MYBL1: variants seen among roughly 807,000 people sequenced by gnomAD.
The protein encoded by MYBL1 is MYB proto-oncogene like 1.
MYBL1 carries 17 observed loss-of-function variants against 96.3 expected under a neutral mutation model. The observed-to-expected ratio is 0.18, with a 90% confidence interval of 0.12 to 0.26. The LOEUF is 0.26. Ranked by LOEUF, MYBL1 falls within the 10% of genes least tolerant of loss-of-function variation. MYBL1 has a pLI of 1.00. For missense variants in MYBL1, 701 were observed against 882.9 expected, an observed-to-expected ratio of 0.79 and a Z score of 2.61; for synonymous variants, 282 against 292.7, an observed-to-expected ratio of 0.96 and a Z score of 0.37.
Position 66,562,454 on chromosome 8 carries a change from T to A in MYBL1, c.*2243A>T, listed in dbSNP as rs1808369702. On this transcript the variant is annotated 3_prime_UTR_variant, in exon 16 of 16. Transcript: ENST00000522677. ...AAGGTGACTTAAGATGCCTGACATG[T>A]TTAAGATAAAAAATCTTGCAAAAAG... 6.6e-6 allele frequency: 1 copy of A among 152,606 alleles called. No individual in the cohort carries two copies. The highest frequency in any genetic ancestry group is 6.5e-5 in the Admixed American group (1 of 15,270). The allele number at this position is 152,606 out of a possible 1,614,324, so 9.5% of individuals were successfully genotyped here. A position where few individuals can be genotyped will look rare whatever the true frequency, so the allele number is the denominator to read the frequency against.
rs567766629 is a variant in MYBL1 at position 66,593,257 on chromosome 8, C to A, written c.688-63G>T. 9 of 1,105,100 alleles carry A rather than the reference C, an allele frequency of 8.1e-6. No homozygotes were observed. The South Asian group carries it at 9.4e-5, about 12-fold the overall frequency. 68.5% of individuals were successfully genotyped at this position (1,105,100 alleles called of 1,614,324 possible). A position where few individuals can be genotyped will look rare whatever the true frequency, so the allele number is the denominator to read the frequency against. ...TGCTATAAATGTTGAAAATCTGAAG[C>A]AAATGACAAAAACTTTTGACACAGT... On this transcript the variant is annotated intron_variant, in intron 6 of 15. Coordinates refer to ENST00000522677, the MANE Select transcript of MYBL1 (RefSeq NM_001080416.4).
intron 12 of MYBL1, among the ~76,000 whole-genome samples, chr8:66,572,189 G>A (rs1394666104): frequency 2.0e-5 from 3 of 151,712 alleles, no homozygotes; most frequent in Admixed American, 6.6e-5. Flanking sequence ...GTGTGGTGGC[G>A]GGCACCTGTA....
chr8:66,569,904 G>A (rs936616234), intron 12 of MYBL1, among the ~76,000 whole-genome samples: 5 of 151,984 alleles, frequency 3.3e-5, no homozygotes, highest in South Asian at 2.1e-4. Context: ...TAAAAGAATC[G>A]GTTTATTAAA....
intron 3 of MYBL1, 93 bp from the exon 4 acceptor site, chr8:66,599,235 T>G (rs1420395297): frequency 1.0e-5 from 7 of 695,026 alleles, no homozygotes; most frequent in African/African-American, 9.2e-5. Flanking sequence ...GAACAAAGAC[T>G]TCAAGAATAG....
chr8:66,573,083 A>G (rs1808799006), intron 11 of MYBL1, among the ~76,000 whole-genome samples: 1 of 151,992 alleles, frequency 6.6e-6, no homozygotes, highest in African/African-American at 2.4e-5. Flanking sequence ...GCATGGTGGC[A>G]CATGCCTGTA....
chr8:66,606,475 G>A (rs1476581771), intron 1 of MYBL1, among the ~76,000 whole-genome samples: 1 of 152,082 alleles, frequency 6.6e-6, no homozygotes, highest in African/African-American at 2.4e-5. Context: ...CTCTAATATA[G>A]TTAAGCGCAT....
In MYBL1 at chr8:66,593,132, A is replaced by C. The variant is rs747586719; in HGVS notation, c.750T>G (p.Ser250=). ...AAATAAAAGTTACCTGAATAAAGGC[A>C]GAAGTAGGCTGAACATGTTCTATAC... ...GNCIEHVQPT[S]AFIQQPFIDE... The change falls in exon 7 of 16, where the codon TCT becomes TCG. Residue 250 remains serine (S), a synonymous_variant. Coordinates refer to ENST00000522677, the MANE Select transcript of MYBL1 (RefSeq NM_001080416.4). 1 of 1,579,190 alleles carries C rather than the reference A, an allele frequency of 6.3e-7. No homozygotes were observed. Among genetic ancestry groups the C allele is most frequent in the Non-Finnish European group, 8.6e-7 (1 of 1,160,044 alleles).
chr8:66,584,069 C>G (rs894310133), intron 8 of MYBL1, among the ~76,000 whole-genome samples: 2 of 152,164 alleles, frequency 1.3e-5, no homozygotes, highest in Admixed American at 1.3e-4. Flanking sequence ...TGGAATTTAT[C>G]CCAGGGATGT....
intron 9 of MYBL1, among the ~76,000 whole-genome samples, chr8:66,576,797 C>T (rs766203676): frequency 4.6e-5 from 7 of 152,064 alleles, no homozygotes; most frequent in Non-Finnish European, 8.8e-5. Context: ...TTCAATTTAA[C>T]CTAAAGACAT....
chr8:66,586,554 A>G (rs1432399819), intron 8 of MYBL1, among the ~76,000 whole-genome samples: 3 of 152,212 alleles, frequency 2.0e-5, no homozygotes, highest in Non-Finnish European at 4.4e-5. Flanking sequence ...AAAGATGTGG[A>G]GAAAGGGGAA....
intron 1 of MYBL1, among the ~76,000 whole-genome samples, chr8:66,610,854 T>C (rs781066481): frequency 2.3e-4 from 35 of 152,184 alleles, no homozygotes; most frequent in Admixed American, 2.6e-4. Flanking sequence ...CCTCTATCTG[T>C]ATACTCCCAG....
intron 9 of MYBL1, 144 bp downstream of exon 9, chr8:66,579,989 C>T (rs1173133240): frequency 1.7e-6 from 1 of 588,316 alleles, no homozygotes; most frequent in Non-Finnish European, 2.9e-6. Context: ...ACTTTTTTCC[C>T]CTAGAAGCCA....
chr8:66,604,045 T>C (rs926429211), intron 1 of MYBL1, among the ~76,000 whole-genome samples: 1 of 150,150 alleles, frequency 6.7e-6, no homozygotes, highest in Non-Finnish European at 1.5e-5. Context: ...AATATCAAAA[T>C]ACACTGTAGA....
At chr8:66,601,982 G>A (rs543026482) in intron 2 of MYBL1, among the ~76,000 whole-genome samples, 4 of 152,066 alleles carry the variant, frequency 2.6e-5, no homozygotes, top group Admixed American at 6.6e-5. Flanking sequence ...GAAAAAGAAC[G>A]TACAGTTAAT....
In MYBL1 at chr8:66,580,180, A is replaced by T. The variant is rs759074581; in HGVS notation, c.1054T>A (p.Leu352Met). Residue 352 changes from leucine (L) to methionine (M), a missense_variant, in exon 9 of 16, where the codon TTG becomes ATG. Coordinates refer to ENST00000522677, the MANE Select transcript of MYBL1 (RefSeq NM_001080416.4). ...TCTGCAAATTCTGGGATGGTCTGCAAAGAGGATAACACAGCGTTTGCCTCC... is the reference window on the plus strand; with the variant it reads ...TCTGCAAATTCTGGGATGGTCTGCATAGAGGATAACACAGCGTTTGCCTCC... ...AVEANAVLSS[L>M]QTIPEFAETL... 1 of 1,613,966 alleles carries T rather than the reference A, an allele frequency of 6.2e-7. No individual in the cohort carries two copies. Among genetic ancestry groups the T allele is most frequent in the Non-Finnish European group, 8.5e-7 (1 of 1,179,866 alleles).
Position 66,576,281 on chromosome 8 carries a change from T to G in MYBL1, c.1196A>C (p.Gln399Pro). 6.2e-7 allele frequency: 1 copy of G among 1,614,050 alleles called. No homozygotes were observed. Among genetic ancestry groups the G allele is most frequent in the East Asian group, 2.2e-5 (1 of 44,888 alleles). Residue 399 changes from glutamine to proline, a missense_variant, in exon 10 of 16, where the codon CAG becomes CCG. Around this residue, in one of 5 missense-constraint regions of MYBL1, gnomAD observed 396 missense variants for 407.4 expected, o/e 0.97. Coordinates refer to ENST00000522677, the MANE Select transcript of MYBL1 (RefSeq NM_001080416.4). ...GCATTCCATGGCTCCTTCATTGTGC[T>G]GAATTCTCATTAATTTAACTGGGGT... ...KSTPVKLMRIQHNEGAMECQF... is the reference protein window; with the variant it reads ...KSTPVKLMRIPHNEGAMECQF...
At chr8:66,603,001 T>C (rs966893888) in intron 1 of MYBL1, among the ~76,000 whole-genome samples, 1 of 151,816 alleles carries the variant, frequency 6.6e-6, no homozygotes, top group Non-Finnish European at 1.5e-5. Context: ...CGACTCGGCC[T>C]CCCAATGTGC....
intron 8 of MYBL1, among the ~76,000 whole-genome samples, chr8:66,589,325 TTTTTTGAGACAGG>T (rs1809544534): frequency 6.6e-6 from 1 of 151,984 alleles, no homozygotes; most frequent in Non-Finnish European, 1.5e-5. Context: ...TGGCTTTTTT[TTTTTTGAGACAGG>T]TTCTTGCTCT....
At chr8:66,579,087 G>A (rs1402565990) in intron 9 of MYBL1, among the ~76,000 whole-genome samples, 2 of 151,932 alleles carry the variant, frequency 1.3e-5, no homozygotes, top group African/African-American at 2.4e-5. Flanking sequence ...TTGTGGGATG[G>A]GGGGAGTGGG....
Sources: gnomAD v4.1 joint callset for allele counts (sites outside exome capture counted in the v4.1 genomes callset) on GRCh38, gnomAD v4.1.1 for gene constraint, gnomAD v4.1.1 regional missense constraint, MANE v1.5 for transcripts, NCBI Gene and HGNC (gene_info 2026-07-23, HGNC 2026-07-21) for gene names.